Variants in SAMD7 observed in about 807,000 individuals in gnomAD.
SAMD7 encodes the protein sterile alpha motif domain-containing protein 7.
Under a neutral mutation model 36.7 loss-of-function variants are expected in SAMD7, and 34 were observed. That is an observed-to-expected ratio of 0.93 (90% CI 0.71 to 1.23). The LOEUF (loss-of-function observed/expected upper bound fraction) is 1.23, where lower values mean the gene tolerates loss of function less well. Among genes scored for constraint, SAMD7 ranks in the 50% most tolerant of loss-of-function variants. The pLI, the probability that SAMD7 is intolerant of heterozygous loss-of-function variation, is 0.00. For missense variants in SAMD7, 570 were observed against 546.6 expected (o/e 1.04, Z -0.43); for synonymous variants, 188 against 189.7 (o/e 0.99, Z 0.07).
intron 7 of SAMD7, among the ~76,000 whole-genome samples, chr3:169,929,443 G>A (rs941597648): frequency 1.1e-4 from 16 of 152,090 alleles, no homozygotes; most frequent in African/African-American, 3.6e-4. Flanking sequence ...TGAAATGTTT[G>A]TCTACAGTGA....
chr3:169,926,118 C>A, intron 5 of SAMD7: 1 of 472,778 alleles, frequency 2.1e-6, no homozygotes, highest in Non-Finnish European at 3.8e-6. Flanking sequence ...GAGTCTTTTC[C>A]TCTGCTCTTC....
At chr3:169,924,968 C>T in intron 4 of SAMD7, 90 bp from the exon 5 acceptor site, 1 of 708,466 alleles carries the variant, frequency 1.4e-6, no homozygotes, top group Non-Finnish European at 2.3e-6. Context: ...TTTTCAGATA[C>T]TGTTTTACAT....
intron 1 of SAMD7, among the ~76,000 whole-genome samples, chr3:169,913,478 A>G (rs1712683822): frequency 6.6e-6 from 1 of 152,230 alleles, no homozygotes; most frequent in African/African-American, 2.4e-5. Context: ...AGACAGAATT[A>G]GCACTAGGTA....
At chr3:169,911,936 T>G (rs1712617066) in intron 1 of SAMD7, 115 bp downstream of exon 1, 1 of 152,224 alleles carries the variant, frequency 6.6e-6, no homozygotes, top group Non-Finnish European at 1.5e-5. Flanking sequence ...ATGCTTAGGT[T>G]TATGTGTAGA....
Position 169,926,815 on chromosome 3 carries a change from A to T in SAMD7, c.553A>T (p.Arg185Trp). 1 of 1,613,970 alleles carries T rather than the reference A, an allele frequency of 6.2e-7. No homozygotes were observed. Among genetic ancestry groups the T allele is most frequent in the Non-Finnish European group, 8.5e-7 (1 of 1,180,000 alleles). The change falls in exon 6 of 9, where the codon AGG (arginine) becomes TGG (tryptophan). Residue 185 changes from arginine (R) to tryptophan (W), a missense_variant. Coordinates refer to ENST00000335556, the MANE Select transcript of SAMD7 (RefSeq NM_001304366.2). ...CTGGGGGCAGAGATGTCGTCGACTC[A>T]GGAAAAATACAGGGAATCAAAAAGC... Reference protein sequence around the residue: ...ESWGQRCRRLRKNTGNQKALD... With the variant: ...ESWGQRCRRLWKNTGNQKALD...
intron 7 of SAMD7, among the ~76,000 whole-genome samples, chr3:169,930,570 TTTC>T (rs869241679): frequency 1.2e-5 from 1 of 83,222 alleles, no homozygotes; most frequent in African/African-American, 5.5e-5. Context: ...TCATAGCCCC[TTTC>T]TTTTCTTTTT....
At chr3:169,924,955 T>C in intron 4 of SAMD7, 103 bp from the exon 5 acceptor site, 1 of 763,226 alleles carries the variant, frequency 1.3e-6, no homozygotes, top group Non-Finnish European at 2.1e-6. Flanking sequence ...GTTTGTTTTT[T>C]TTTTTTCAGA....
chr3:169,937,718 T>C (rs1353001386), intron 8 of SAMD7, among the ~76,000 whole-genome samples: 4 of 152,220 alleles, frequency 2.6e-5, no homozygotes, highest in African/African-American at 7.2e-5. Flanking sequence ...GCAATGAACA[T>C]ATGTGTGCAT....
chr3:169,919,650 A>T, intron 3 of SAMD7, 66 bp downstream of exon 3: 1 of 1,273,154 alleles, frequency 7.9e-7, no homozygotes. Flanking sequence ...TTTTGGAATG[A>T]TGTTAAGTCT....
chr3:169,923,263 A>G (rs906037274), intron 4 of SAMD7, among the ~76,000 whole-genome samples: 3 of 152,194 alleles, frequency 2.0e-5, no homozygotes, highest in African/African-American at 7.2e-5. Flanking sequence ...TCACGAATCC[A>G]TTTAACTGCA....
In SAMD7 at chr3:169,912,219, T is replaced by C. The variant is rs73040225; in HGVS notation, c.-117+398T>C. ...TATTTACTATATATTATTATTTTAA[T>C]GGCCCCCCATTACTATAGATATCTA... is the stretch of plus-strand genomic sequence containing the variant. On this transcript the variant is annotated intron_variant, in intron 1 of 8. Coordinates refer to ENST00000335556, the MANE Select transcript of SAMD7 (RefSeq NM_001304366.2). 7.1e-3 allele frequency among the ~76,000 whole-genome samples: 1,078 copies of C among 152,308 alleles called. 12 individuals carry two copies. The highest frequency in any genetic ancestry group is 0.02 in the South Asian group (97 of 4,830).
intron 7 of SAMD7, chr3:169,932,173 T>A (rs1559953798): frequency 1.6e-6 from 1 of 637,280 alleles, no homozygotes; most frequent in East Asian, 3.7e-5. Context: ...GTCACCCAAG[T>A]TGGACCACAC....
intron 1 of SAMD7, among the ~76,000 whole-genome samples, chr3:169,914,366 A>T (rs975714635): frequency 1.3e-5 from 2 of 152,240 alleles, no homozygotes; most frequent in African/African-American, 2.4e-5. Context: ...TTTGGGCATC[A>T]GTCGATATGA....
chr3:169,931,383 C>T (rs1290585870), intron 7 of SAMD7, among the ~76,000 whole-genome samples: 1 of 152,150 alleles, frequency 6.6e-6, no homozygotes, highest in African/African-American at 2.4e-5. Flanking sequence ...TAGATCCTCA[C>T]ACATTTCAGT....
Position 169,938,364 on chromosome 3 carries a change from T to A in SAMD7, c.1199T>A (p.Phe400Tyr), listed in dbSNP as rs1713797217. ...ATGTTCTACAAGAAAACTCTTTCAT[T>A]TCCTATAAGACAAGCATTTGATCAA... Reference protein sequence around the residue: ...GSMFYKKTLSFPIRQAFDQPA... With the variant: ...GSMFYKKTLSYPIRQAFDQPA... Residue 400 changes from phenylalanine to tyrosine, a missense_variant, in exon 9 of 9, where the codon TTT (phenylalanine) becomes TAT (tyrosine). Transcript: ENST00000335556. The A allele has an allele frequency of 1.2e-6, 2 of 1,612,450 alleles. No homozygotes were observed. The highest frequency in any genetic ancestry group is 8.5e-7 in the Non-Finnish European group (1 of 1,178,752).
At chr3:169,918,757 A>G (rs1712919970) in intron 2 of SAMD7, among the ~76,000 whole-genome samples, 1 of 152,238 alleles carries the variant, frequency 6.6e-6, no homozygotes. Context: ...GTTAAATCTT[A>G]TCAACTAAAT....
In SAMD7 at chr3:169,932,590, T is replaced by G; in HGVS notation, c.1042-3749T>G. ...CCTTCCTAACTGTAGGACACAATAC[T>G]TGTTTTTATGGGAAGTGTTATTACT... On this transcript the variant is annotated intron_variant, in intron 7 of 8. Coordinates refer to ENST00000335556, the MANE Select transcript of SAMD7 (RefSeq NM_001304366.2). 9.6e-6 allele frequency: 5 copies of G among 522,652 alleles called. No individual in the cohort carries two copies. The Admixed American group carries it at 1.1e-4, about 12-fold the overall frequency. The allele number at this position is 522,652 out of a possible 1,614,324, so 32.4% of individuals were successfully genotyped here. A position where few individuals can be genotyped will look rare whatever the true frequency, so the allele number is the denominator to read the frequency against.
intron 2 of SAMD7, among the ~76,000 whole-genome samples, chr3:169,918,193 C>A (rs1712897302): frequency 6.6e-6 from 1 of 152,234 alleles, no homozygotes; most frequent in African/African-American, 2.4e-5. Flanking sequence ...CTGCCTCAGC[C>A]TCCCAAAGTG....
intron 1 of SAMD7, among the ~76,000 whole-genome samples, chr3:169,912,896 T>G (rs889847028): frequency 6.6e-6 from 1 of 152,126 alleles, no homozygotes; most frequent in Non-Finnish European, 1.5e-5. Context: ...GAGCAAGATA[T>G]GGAGGGACCC....
Sources: gnomAD v4.1 joint callset for allele counts (sites outside exome capture counted in the v4.1 genomes callset) on GRCh38, gnomAD v4.1.1 for gene constraint, MANE v1.5 for transcripts, NCBI Gene and HGNC (gene_info 2026-07-23, HGNC 2026-07-21) for gene names.